DLG2: variants seen among roughly 807,000 people sequenced by gnomAD.
DLG2 encodes the protein disks large homolog 2.
In DLG2, 45 loss-of-function variants were observed where a neutral mutation model predicts 132.5. That is an observed-to-expected ratio of 0.34 (90% CI 0.27 to 0.44). The LOEUF (loss-of-function observed/expected upper bound fraction) is 0.44. Ranked by LOEUF, DLG2 falls within the 20% of genes least tolerant of loss-of-function variation. The pLI, the probability that DLG2 is intolerant of heterozygous loss-of-function variation, is 1.00. For missense variants in DLG2, 1,045 were observed against 1,196.9 expected, an observed-to-expected ratio of 0.87 and a Z score of 1.87; for synonymous variants, 424 against 419.6, an observed-to-expected ratio of 1.01 and a Z score of -0.13.
At chr11:83,542,080 C>T (rs992276151) in intron 19 of DLG2, among the ~76,000 whole-genome samples, 32 of 152,054 alleles carry the variant, frequency 2.1e-4, no homozygotes, top group Admixed American at 1.7e-3. Context: ...CCTATAGATT[C>T]CCCCAAACTG....
intron 6 of DLG2, among the ~76,000 whole-genome samples, chr11:85,045,988 C>T (rs1240312567): frequency 6.6e-6 from 1 of 152,010 alleles, no homozygotes; most frequent in African/African-American, 2.4e-5. Context: ...TCATCTAAAA[C>T]TAGGCCTACA....
intron 6 of DLG2, among the ~76,000 whole-genome samples, chr11:84,932,444 A>G (rs1318896359): frequency 6.6e-6 from 1 of 152,160 alleles, no homozygotes; most frequent in African/African-American, 2.4e-5. Flanking sequence ...CAGGTTAGTT[A>G]CATAGGTACA....
chr11:84,357,193 G>A (rs1677395097), intron 7 of DLG2, among the ~76,000 whole-genome samples: 1 of 152,064 alleles, frequency 6.6e-6, no homozygotes, highest in Non-Finnish European at 1.5e-5. Flanking sequence ...CTGGCTGCCT[G>A]TAGACAGCAA....
intron 6 of DLG2, among the ~76,000 whole-genome samples, chr11:85,057,324 G>A (rs912484179): frequency 6.6e-6 from 1 of 151,420 alleles, no homozygotes; most frequent in Non-Finnish European, 1.5e-5. Context: ...GAAGAGAAAT[G>A]GGACAAGTTA....
At chr11:84,271,930 T>C (rs1176012408) in intron 7 of DLG2, among the ~76,000 whole-genome samples, 1 of 98,966 alleles carries the variant, frequency 1.0e-5, no homozygotes, top group African/African-American at 4.2e-5. Flanking sequence ...CCACAAGGAA[T>C]ATCACACTTT....
At chr11:83,759,626 T>C (rs563269712) in intron 18 of DLG2, among the ~76,000 whole-genome samples, 1 of 152,288 alleles carries the variant, frequency 6.6e-6, no homozygotes, top group African/African-American at 2.4e-5. Flanking sequence ...CCTACCTGTT[T>C]CTTTAAGAAG....
At chr11:84,518,162 C>T (rs979352236) in intron 7 of DLG2, among the ~76,000 whole-genome samples, 3 of 92,056 alleles carry the variant, frequency 3.3e-5, no homozygotes, top group Admixed American at 1.9e-4. Flanking sequence ...TATTAGTGGC[C>T]AACGTAACAA....
At chr11:85,392,780 G>A (rs553854096) in intron 3 of DLG2, among the ~76,000 whole-genome samples, 1 of 152,222 alleles carries the variant, frequency 6.6e-6, no homozygotes, top group African/African-American at 2.4e-5. Context: ...GTGGAAGAAT[G>A]AAACTGGATC....
At chr11:84,496,162 A>C (rs1393540072) in intron 7 of DLG2, among the ~76,000 whole-genome samples, 1 of 152,192 alleles carries the variant, frequency 6.6e-6, no homozygotes, top group Non-Finnish European at 1.5e-5. Flanking sequence ...TGAAGGCATC[A>C]AAGTTCAGAA....
intron 4 of DLG2, among the ~76,000 whole-genome samples, chr11:85,179,425 G>A (rs1302602915): frequency 6.6e-6 from 1 of 151,886 alleles, no homozygotes; most frequent in African/African-American, 2.4e-5. Flanking sequence ...ATGAAGTATT[G>A]TATGGATATG....
chr11:85,115,944 G>A (rs2073503600), intron 5 of DLG2, among the ~76,000 whole-genome samples: 1 of 151,990 alleles, frequency 6.6e-6, no homozygotes, highest in African/African-American at 2.4e-5. Flanking sequence ...CTACCAGGAA[G>A]TGGACATGGA....
intron 6 of DLG2, among the ~76,000 whole-genome samples, chr11:84,840,783 T>G (rs1044514438): frequency 6.6e-6 from 1 of 151,934 alleles, no homozygotes; most frequent in Admixed American, 6.6e-5. Context: ...TAGCTGGGAA[T>G]TGAACAATGA....
chr11:84,436,728 T>C (rs2099001927), intron 7 of DLG2, among the ~76,000 whole-genome samples: 1 of 152,132 alleles, frequency 6.6e-6, no homozygotes, highest in African/African-American at 2.4e-5. Context: ...TATAACTAAT[T>C]AGGTAAGTCT....
intron 7 of DLG2, among the ~76,000 whole-genome samples, chr11:84,439,504 A>G (rs185294849): frequency 6.6e-6 from 1 of 152,196 alleles, no homozygotes; most frequent in Admixed American, 6.5e-5. Flanking sequence ...CTTTTGCTCT[A>G]TGCTCCTACA....
At chr11:84,216,173 C>A (rs539022726) in intron 8 of DLG2, among the ~76,000 whole-genome samples, 1 of 152,022 alleles carries the variant, frequency 6.6e-6, no homozygotes, top group Non-Finnish European at 1.5e-5. Flanking sequence ...CTCATGCTTT[C>A]TTTGTGGGCC....
At chr11:83,826,738 CT>C (rs2052910973) in intron 17 of DLG2, among the ~76,000 whole-genome samples, 1 of 152,154 alleles carries the variant, frequency 6.6e-6, no homozygotes, top group Non-Finnish European at 1.5e-5. Flanking sequence ...TGAAACCTTA[CT>C]GATACTTTTT....
At chr11:85,536,071 G>T (rs758394854) in intron 3 of DLG2, among the ~76,000 whole-genome samples, 1 of 151,752 alleles carries the variant, frequency 6.6e-6, no homozygotes, top group African/African-American at 2.4e-5. Context: ...ATAAAAATTA[G>T]ACTGGCAAGG....
chr11:84,541,405 C>G (rs1220623631), intron 6 of DLG2, among the ~76,000 whole-genome samples: 1 of 151,958 alleles, frequency 6.6e-6, no homozygotes, highest in Non-Finnish European at 1.5e-5. Context: ...ACCCCAGATT[C>G]CTTCATCAAG....
At chr11:83,989,055 C>T (rs1048811977) in intron 11 of DLG2, among the ~76,000 whole-genome samples, 1 of 152,000 alleles carries the variant, frequency 6.6e-6, no homozygotes, top group Non-Finnish European at 1.5e-5. Context: ...AATGAATGAA[C>T]AAATGAATAT....
Sources: gnomAD v4.1 joint callset for allele counts (sites outside exome capture counted in the v4.1 genomes callset) on GRCh38, gnomAD v4.1.1 for gene constraint, MANE v1.5 for transcripts, NCBI Gene and HGNC (gene_info 2026-07-23, HGNC 2026-07-21) for gene names.